Variants in TENM3 observed in about 807,000 individuals in gnomAD.
TENM3 encodes teneurin transmembrane protein 3.
In TENM3, 63 loss-of-function variants were observed where a neutral mutation model predicts 255.1. The ratio of observed to expected loss-of-function variants is 0.25; its 90% CI spans 0.20 to 0.30. The LOEUF (loss-of-function observed/expected upper bound fraction) is 0.30, where lower values mean the gene tolerates loss of function less well. TENM3 is among the 10% of genes least tolerant of loss of function. The pLI, the probability that TENM3 is intolerant of heterozygous loss-of-function variation, is 1.00. For missense variants in TENM3, 2,929 were observed against 3,461.1 expected (o/e 0.85, Z 3.86); for synonymous variants, 1,306 against 1,322.3 (o/e 0.99, Z 0.27).
At chr4:182,360,609 G>T (rs570412444) in intron 3 of TENM3, among the ~76,000 whole-genome samples, 59 of 152,206 alleles carry the variant, frequency 3.9e-4, no homozygotes, top group African/African-American at 1.4e-3. Context: ...TTGAGGCTAT[G>T]TGTGTCTCTG....
chr4:181,577,974 C>T, the TENM3 span, among the ~76,000 whole-genome samples: 6 of 152,150 alleles, frequency 3.9e-5, no homozygotes, highest in Admixed American at 1.3e-4. Flanking sequence ...GTCCATCCTC[C>T]ATTGCTCTTT....
At chr4:181,702,692 A>G in the TENM3 span, among the ~76,000 whole-genome samples, 6 of 152,216 alleles carry the variant, frequency 3.9e-5, no homozygotes, top group Non-Finnish European at 8.8e-5. Context: ...GTAAACATAT[A>G]AAAACATATT....
intron 1 of TENM3, among the ~76,000 whole-genome samples, chr4:182,214,030 T>C (rs1022347418): frequency 7.2e-5 from 11 of 152,278 alleles, no homozygotes; most frequent in South Asian, 6.2e-4. Flanking sequence ...TCTCGATCTC[T>C]TGACCTTGTG....
intron 3 of TENM3, among the ~76,000 whole-genome samples, chr4:182,587,059 T>C (rs1746093073): frequency 6.6e-6 from 1 of 151,556 alleles, no homozygotes; most frequent in African/African-American, 2.4e-5. Context: ...TATAATTGTC[T>C]TCATAACTTT....
chr4:181,738,678 T>G, the TENM3 span, among the ~76,000 whole-genome samples: 3 of 152,014 alleles, frequency 2.0e-5, no homozygotes, highest in African/African-American at 7.2e-5. Flanking sequence ...TTCTGGCTAT[T>G]GACAAACACT....
the TENM3 span, among the ~76,000 whole-genome samples, chr4:181,768,822 A>G: frequency 6.6e-6 from 1 of 152,216 alleles, no homozygotes; most frequent in Admixed American, 6.5e-5. Context: ...AGGCAATTAA[A>G]ATATAAGAAC....
intron 3 of TENM3, among the ~76,000 whole-genome samples, chr4:182,468,693 A>C (rs1732821128): frequency 6.6e-6 from 1 of 152,168 alleles, no homozygotes; most frequent in African/African-American, 2.4e-5. Flanking sequence ...GTTTAGCAGA[A>C]TAGCAGCTTG....
chr4:182,499,321 A>G (rs1580751771), intron 3 of TENM3, among the ~76,000 whole-genome samples: 1 of 152,232 alleles, frequency 6.6e-6, no homozygotes, highest in East Asian at 1.9e-4. Context: ...AATTTTTACA[A>G]TTACGCTCTG....
intron 3 of TENM3, among the ~76,000 whole-genome samples, chr4:182,384,991 C>G (rs1167260635): frequency 6.6e-6 from 1 of 152,124 alleles, no homozygotes; most frequent in African/African-American, 2.4e-5. Context: ...GACCCATCAG[C>G]AGCCTGAAAA....
chr4:182,403,248 G>A (rs918606564), intron 3 of TENM3, among the ~76,000 whole-genome samples: 4 of 152,152 alleles, frequency 2.6e-5, no homozygotes, highest in East Asian at 1.9e-4. Context: ...ACAAAGGCAC[G>A]ATGACTATAC....
At chr4:182,730,102 T>C (rs1760569119) in intron 14 of TENM3, 98 bp from the exon 15 acceptor site, 3 of 1,432,770 alleles carry the variant, frequency 2.1e-6, no homozygotes, top group Admixed American at 1.9e-5. Flanking sequence ...TTGCATAGCA[T>C]AGTGTTATTT....
chr4:181,521,665 A>C, the TENM3 span, among the ~76,000 whole-genome samples: 2 of 152,134 alleles, frequency 1.3e-5, no homozygotes, highest in Non-Finnish European at 2.9e-5. Context: ...CTAACTATAA[A>C]TACAAGCTAC....
intron 7 of TENM3, among the ~76,000 whole-genome samples, chr4:182,675,648 AT>A (rs1459492611): frequency 1.5e-4 from 23 of 152,320 alleles, no homozygotes; most frequent in African/African-American, 5.3e-4. Context: ...ATATGAAAAA[AT>A]ATTTTCCCAC....
chr4:182,663,566 G>A (rs11132144), intron 6 of TENM3, among the ~76,000 whole-genome samples: 36,646 of 152,074 alleles, frequency 0.24, 4,689 homozygotes, highest in Admixed American at 0.39. Flanking sequence ...CAAATAGTTT[G>A]TATATTCATA....
At chr4:182,624,539 T>A (rs1193936560) in intron 4 of TENM3, among the ~76,000 whole-genome samples, 4 of 152,172 alleles carry the variant, frequency 2.6e-5, no homozygotes, top group Non-Finnish European at 5.9e-5. Flanking sequence ...CTTCTCTCCC[T>A]GGGCCCTGTT....
At chr4:181,924,298 C>T in the TENM3 span, among the ~76,000 whole-genome samples, 1 of 152,198 alleles carries the variant, frequency 6.6e-6, no homozygotes, top group Non-Finnish European at 1.5e-5. Flanking sequence ...CATGATGATG[C>T]TCATGCTGCT....
At chr4:182,136,047 G>T in the TENM3 span, among the ~76,000 whole-genome samples, 10 of 152,062 alleles carry the variant, frequency 6.6e-5, no homozygotes, top group Non-Finnish European at 1.3e-4. Flanking sequence ...CTGTATTTTG[G>T]AAACATCAGT....
At chr4:182,482,025 T>A (rs1734251983) in intron 3 of TENM3, among the ~76,000 whole-genome samples, 1 of 152,160 alleles carries the variant, frequency 6.6e-6, no homozygotes, top group Admixed American at 6.5e-5. Context: ...TGTATCTTAA[T>A]TGAGTATATT....
the TENM3 span, among the ~76,000 whole-genome samples, chr4:181,912,308 C>T: frequency 6.6e-6 from 1 of 152,192 alleles, no homozygotes; most frequent in African/African-American, 2.4e-5. Flanking sequence ...ACATGCTGCC[C>T]TCATGATGCT....
Sources: allele counts gnomAD v4.1 joint callset (sites outside exome capture counted in the v4.1 genomes callset), GRCh38; gene constraint gnomAD v4.1.1; transcripts MANE v1.5; gene names NCBI Gene and HGNC (gene_info 2026-07-23, HGNC 2026-07-21).